CAPN11: variants seen among roughly 807,000 people sequenced by gnomAD.
The protein encoded by CAPN11 is calpain 11, also known as calpain-11.
CAPN11 carries 108 observed loss-of-function variants against 105.3 expected under a neutral mutation model. That is an observed-to-expected ratio of 1.03 (90% confidence interval 0.88 to 1.20). The LOEUF is 1.20. Among genes scored for constraint, CAPN11 ranks in the 50% most tolerant of loss-of-function variants. The pLI is 0.00. For synonymous variants in CAPN11, 329 were observed against 344.5 expected, an observed-to-expected ratio of 0.96 and a Z score of 0.50; for missense variants, 883 against 924.8, an observed-to-expected ratio of 0.95 and a Z score of 0.59.
chr6:44,182,306 C>T (rs4711776), intron 19 of CAPN11, among the ~76,000 whole-genome samples: 25,248 of 65,874 alleles, frequency 0.38, 6,110 homozygotes, highest in Non-Finnish European at 0.45. Flanking sequence ...CACACACACA[C>T]ACACACTCAC....
chr6:44,161,747 T>G (rs79824640), intron 1 of CAPN11: 24,117 of 455,862 alleles, frequency 0.053, 839 homozygotes, highest in Middle Eastern at 0.091. Context: ...TCTGATGTTC[T>G]TTCAGTCTTC....
Position 44,184,153 on chromosome 6 carries a change from G to A in CAPN11, c.*221G>A, listed in dbSNP as rs114538303. The A allele has an allele frequency of 8.6e-4, 496 of 579,582 alleles. 2 individuals are homozygous for A. Among genetic ancestry groups the A allele is most frequent in the African/African-American group, 8.2e-3 (438 of 53,652 alleles). The allele number at this position is 579,582 out of a possible 1,614,324, so 35.9% of individuals were successfully genotyped here. On this transcript the variant is annotated 3_prime_UTR_variant, in exon 23 of 23. Transcript: ENST00000398776. ...AGGCTTTCTCTTTTTTCCCCAACCC[G>A]GCTTCTGATGGCTGGCTTTCCCCCA...
At chr6:44,166,936 T>TGGG in intron 2 of CAPN11, 107 bp downstream of exon 2, 1 of 462,762 alleles carries the variant, frequency 2.2e-6, no homozygotes, top group Non-Finnish European at 4.1e-6. Context: ...AGTCATGTTG[T>TGGG]GTGGGGAGGG....
intron 7 of CAPN11, 25 bp from the exon 8 acceptor site, chr6:44,176,043 C>G (rs373821421): frequency 2.2e-4 from 342 of 1,553,458 alleles, no homozygotes; most frequent in Non-Finnish European, 2.8e-4. Context: ...GCCCTCCATG[C>G]TCTCCCTCCC....
In CAPN11 at chr6:44,173,220, T is replaced by C. The variant is rs1289642709; in HGVS notation, c.665T>C (p.Leu222Pro). Residue 222 changes from leucine to proline, a missense_variant and splice_region_variant, in exon 7 of 23, where the codon CTG becomes CCG. Coordinates refer to ENST00000398776, the MANE Select transcript of CAPN11 (RefSeq NM_007058.4). Reference protein sequence around the residue: ...SALLEKAYAKLSGSYEALSGG... With the variant: ...SALLEKAYAKPSGSYEALSGG... ...CAGTGCCTTCTCTGTGCCCACAGGC[T>C]GAGTGGGTCCTATGAAGCATTGTCA... is the stretch of plus-strand genomic sequence containing the variant. 6.2e-7 allele frequency: 1 copy of C among 1,613,882 alleles called. No homozygotes were observed.
intron 10 of CAPN11, 81 bp downstream of exon 10, chr6:44,176,736 C>T: frequency 6.4e-7 from 1 of 1,567,240 alleles, no homozygotes; most frequent in Non-Finnish European, 8.7e-7. Context: ...CTCTCTGTGC[C>T]TTGGATGGGG....
chr6:44,175,083 G>A (rs1771735399), intron 7 of CAPN11, among the ~76,000 whole-genome samples: 1 of 152,148 alleles, frequency 6.6e-6, no homozygotes, highest in African/African-American at 2.4e-5. Context: ...TGACAGTGGT[G>A]GTGGCTACAT....
At chr6:44,166,616 AC>A in intron 1 of CAPN11, 141 bp from the exon 2 acceptor site, 2 of 651,930 alleles carry the variant, frequency 3.1e-6, no homozygotes, top group Admixed American at 2.4e-5. Context: ...CAACCCCAGA[AC>A]CCTGCTGCCC....
At position 44,182,825 on chromosome 6, in the gene CAPN11, C is replaced by T. The variant is rs1332030920; in HGVS notation, c.1939-116C>T. On this transcript the variant is annotated intron_variant, in intron 19 of 22. Transcript: ENST00000398776. ...CTGACCTCAGATGATCCGCCTGCCT[C>T]GGCCTTTCAAAGTGCTGGGATTACA... 1.5e-5 allele frequency: 11 copies of T among 713,762 alleles called. No individual in the cohort carries two copies. In the East Asian group the frequency reaches 2.2e-4, roughly 14 times the overall value. The allele number at this position is 713,762 out of a possible 1,614,324, so 44.2% of individuals were successfully genotyped here.
Position 44,176,885 on chromosome 6 carries a change from G to T in CAPN11, c.1124G>T (p.Cys375Phe). ...AACAACTTCACGCTCCTGGAGATCT[G>T]CAACCTCACGCCTGATACACTCTCT... ...FLNNFTLLEI[C>F]NLTPDTLSGD... The change falls in exon 11 of 23, where the codon TGC becomes TTC. Residue 375 changes from cysteine (C) to phenylalanine (F), a missense_variant. Cys to Phe is a radical substitution (Grantham distance 205, BLOSUM62 -2). Transcript: ENST00000398776. 1 of 1,613,912 alleles carries T rather than the reference G, an allele frequency of 6.2e-7. No homozygotes were observed. Among genetic ancestry groups the T allele is most frequent in the Non-Finnish European group, 8.5e-7 (1 of 1,179,874 alleles).
chr6:44,169,423 G>A lies in CAPN11; in HGVS notation c.231G>A (p.Gly77=), dbSNP rs1311864379. The change falls in exon 3 of 23, where the codon GGG becomes GGA. Residue 77 remains glycine, a synonymous_variant. Coordinates refer to ENST00000398776, the MANE Select transcript of CAPN11 (RefSeq NM_007058.4). The stretch of plus-strand genomic sequence containing the variant: ...TGCGAGCAGCCTGTCTAAGAAAGGG[G>A]GAGCTCTTCGAGGACCCCTTATTCC... The part of the protein sequence containing the change: ...EELRAACLRK[G]ELFEDPLFPA... 1 of 1,613,660 alleles carries A rather than the reference G, an allele frequency of 6.2e-7. No homozygotes were observed. The highest frequency in any genetic ancestry group is 1.7e-5 in the Admixed American group (1 of 59,976).
chr6:44,176,896 C>T lies in CAPN11; in HGVS notation c.1135C>T (p.Pro379Ser), dbSNP rs1357822423. ...FTLLEICNLT[P>S]DTLSGDYKSY... ...GCTCCTGGAGATCTGCAACCTCACG[C>T]CTGATACACTCTCTGGGGACTACAA... is the stretch of plus-strand genomic sequence containing the variant. Residue 379 changes from proline (P) to serine (S), a missense_variant, in exon 11 of 23, where the codon CCT (proline) becomes TCT (serine). By Grantham distance (74) the Pro-to-Ser change is moderately conservative (BLOSUM62 -1). Transcript: ENST00000398776. 3.7e-6 allele frequency: 6 copies of T among 1,613,984 alleles called. No homozygotes were observed. The highest frequency in any genetic ancestry group is 5.1e-6 in the Non-Finnish European group (6 of 1,179,906).
chr6:44,181,388 T>TG, intron 19 of CAPN11, 68 bp downstream of exon 19: 2 of 1,271,280 alleles, frequency 1.6e-6, no homozygotes, highest in African/African-American at 3.3e-5. Context: ...ATGGAACTAA[T>TG]GAGGGGAAGC....
intron 4 of CAPN11, among the ~76,000 whole-genome samples, chr6:44,170,345 G>C (rs1770755265): frequency 6.6e-6 from 1 of 152,222 alleles, no homozygotes; most frequent in East Asian, 1.9e-4. Context: ...GGTTTATCAG[G>C]AGGTTACAGT....
chr6:44,183,932 G>T lies in CAPN11; in HGVS notation c.2220G>T (p.Ter740TyrextTer92), dbSNP rs1312654202. 1.3e-6 allele frequency: 2 copies of T among 1,554,870 alleles called. No individual in the cohort carries two copies. Among genetic ancestry groups the T allele is most frequent in the East Asian group, 4.8e-5 (2 of 41,274 alleles). The change falls in exon 23 of 23, where the codon TAG becomes TAT. Residue 740 changes from the stop codon to tyrosine, a stop_lost. Transcript: ENST00000398776. ...GGCTGCAGATGACCATGTGGGGATAGAGGCGCTGTAGGAGCCTGGTCATCT... is the reference window on the plus strand; with the variant it reads ...GGCTGCAGATGACCATGTGGGGATATAGGCGCTGTAGGAGCCTGGTCATCT... ...EQWLQMTMWG[*>Y]
In CAPN11 at chr6:44,169,887, C is replaced by T. The variant is rs1432590741; in HGVS notation, c.340-19C>T. ...GGGGGTGTCCTGGGCCCCCTGAAAC[C>T]TTTATTCCTTCACTGCAGGATATCA... On this transcript the variant is annotated intron_variant, in intron 3 of 22. Transcript: ENST00000398776. The T allele has an allele frequency of 1.3e-6, 2 of 1,598,022 alleles. No individual in the cohort carries two copies. The highest frequency in any genetic ancestry group is 1.7e-6 in the Non-Finnish European group (2 of 1,168,952).
intron 10 of CAPN11, 23 bp from the exon 11 acceptor site, chr6:44,176,815 G>T (rs779235909): frequency 6.2e-7 from 1 of 1,612,802 alleles, no homozygotes; most frequent in Non-Finnish European, 8.5e-7. Context: ...CTGCTGACGG[G>T]CTCCACCCCC....
chr6:44,183,271 C>T (rs757338618), intron 21 of CAPN11, 36 bp downstream of exon 21: 2 of 1,414,664 alleles, frequency 1.4e-6, no homozygotes, highest in South Asian at 2.3e-5. Context: ...CAGCCTAGGC[C>T]AGGGGCCGCG....
At chr6:44,183,818 A>G (rs377692370) in intron 22 of CAPN11, 55 bp downstream of exon 22, 8 of 1,584,856 alleles carry the variant, frequency 5.0e-6, no homozygotes, top group Admixed American at 1.7e-5. Context: ...CTGCCCCTCA[A>G]CCCCACCCCC....
Sources: allele counts gnomAD v4.1 joint callset (sites outside exome capture counted in the v4.1 genomes callset), GRCh38; gene constraint gnomAD v4.1.1; transcripts MANE v1.5; gene names NCBI Gene and HGNC (gene_info 2026-07-23, HGNC 2026-07-21).